HDAC9: variants seen among roughly 807,000 people sequenced by gnomAD.
HDAC9 encodes histone deacetylase 9.
In HDAC9, 41 loss-of-function variants were observed where a neutral mutation model predicts 139.4. The observed-to-expected ratio is 0.29, with a 90% CI of 0.23 to 0.38. The LOEUF (loss-of-function observed/expected upper bound fraction) is 0.38. HDAC9 is among the 10% of genes least tolerant of loss of function. The pLI is 1.00. For synonymous variants in HDAC9, 517 were observed against 476.2 expected (o/e 1.09, Z -1.12); for missense variants, 1,147 against 1,297.0 (o/e 0.88, Z 1.78).
chr7:18,866,278 C>A (rs574407816), intron 21 of HDAC9, among the ~76,000 whole-genome samples: 1 of 151,844 alleles, frequency 6.6e-6, no homozygotes, highest in African/African-American at 2.4e-5. Flanking sequence ...CAACGTGCAC[C>A]ACCCCCGTGA....
intron 2 of HDAC9, 34 bp from the exon 3 acceptor site, chr7:18,585,247 C>T: frequency 3.1e-6 from 5 of 1,605,926 alleles, no homozygotes; most frequent in African/African-American, 1.3e-5. Context: ...ATTACCCTCC[C>T]CCACCCCATT....
chr7:18,714,335 A>G (rs796643943), intron 12 of HDAC9, among the ~76,000 whole-genome samples: 3 of 152,340 alleles, frequency 2.0e-5, no homozygotes, highest in Admixed American at 6.5e-5. Flanking sequence ...ACCCTGTTAA[A>G]CTAATTCAAT....
intron 24 of HDAC9, among the ~76,000 whole-genome samples, chr7:18,954,597 G>A (rs964064529): frequency 6.6e-6 from 1 of 152,060 alleles, no homozygotes; most frequent in African/African-American, 2.4e-5. Context: ...ATCATTTACT[G>A]ATTCATATGT....
intron 17 of HDAC9, among the ~76,000 whole-genome samples, chr7:18,821,211 C>T (rs542485219): frequency 5.9e-5 from 9 of 152,344 alleles, no homozygotes; most frequent in South Asian, 2.1e-4. Context: ...ATGACCTCAT[C>T]GCTGCTTAAA....
At chr7:18,393,108 A>G (rs1302227450) in intron 1 of HDAC9, among the ~76,000 whole-genome samples, 1 of 140,140 alleles carries the variant, frequency 7.1e-6, no homozygotes, top group Non-Finnish European at 1.6e-5. Context: ...ATGATTTTAA[A>G]AATTTAGATA....
intron 2 of HDAC9, among the ~76,000 whole-genome samples, chr7:18,548,645 A>G (rs1405776896): frequency 6.6e-6 from 1 of 152,212 alleles, no homozygotes; most frequent in Non-Finnish European, 1.5e-5. Flanking sequence ...AAGGACTCAT[A>G]TCTAAAATGT....
At chr7:18,597,089 T>C (rs1485184131) in intron 6 of HDAC9, among the ~76,000 whole-genome samples, 1 of 152,118 alleles carries the variant, frequency 6.6e-6, no homozygotes, top group African/African-American at 2.4e-5. Context: ...AGTGGACCTT[T>C]ACTTCCTTCC....
At chr7:18,935,173 A>G (rs532519795) in intron 22 of HDAC9, among the ~76,000 whole-genome samples, 4 of 152,286 alleles carry the variant, frequency 2.6e-5, no homozygotes, top group South Asian at 2.1e-4. Flanking sequence ...TGGGGGTTGA[A>G]AAAGTGTTGC....
At chr7:18,419,289 T>G (rs931830691) in intron 1 of HDAC9, among the ~76,000 whole-genome samples, 6 of 152,224 alleles carry the variant, frequency 3.9e-5, no homozygotes, top group African/African-American at 1.4e-4. Context: ...TGTCAATTAT[T>G]GATGTATTAA....
chr7:18,846,304 A>G (rs1156257383), intron 21 of HDAC9, among the ~76,000 whole-genome samples: 3 of 152,174 alleles, frequency 2.0e-5, no homozygotes, highest in Non-Finnish European at 4.4e-5. Context: ...AGCAAGCAAG[A>G]GTTTGATTAG....
At chr7:18,512,945 A>G (rs1348080525) in intron 2 of HDAC9, among the ~76,000 whole-genome samples, 1 of 152,232 alleles carries the variant, frequency 6.6e-6, no homozygotes, top group Non-Finnish European at 1.5e-5. Context: ...ACATGCTCAC[A>G]TAGATGACAA....
At chr7:18,204,592 A>G (rs1037168007) in intron 2 of HDAC9, among the ~76,000 whole-genome samples, 1 of 152,144 alleles carries the variant, frequency 6.6e-6, no homozygotes, top group Non-Finnish European at 1.5e-5. Context: ...TATTTATTCA[A>G]TAAATATAAA....
chr7:18,646,892 A>C (rs1227636282), intron 9 of HDAC9, among the ~76,000 whole-genome samples: 1 of 152,162 alleles, frequency 6.6e-6, no homozygotes, highest in African/African-American at 2.4e-5. Flanking sequence ...TTATTATACA[A>C]AATATCTAGA....
intron 1 of HDAC9, among the ~76,000 whole-genome samples, chr7:18,407,813 A>G (rs75090694): frequency 0.029 from 4,430 of 152,260 alleles, 151 homozygotes; most frequent in East Asian, 0.18. Flanking sequence ...AAGGAAATCT[A>G]TTGTGTTTCC....
At chr7:18,427,714 A>T (rs570149184) in intron 1 of HDAC9, among the ~76,000 whole-genome samples, 194 of 146,842 alleles carry the variant, frequency 1.3e-3, no homozygotes, top group South Asian at 4.3e-3. Flanking sequence ...TTTTTTTTTT[A>T]AATATTTTCT....
intron 2 of HDAC9, among the ~76,000 whole-genome samples, chr7:18,183,251 C>T (rs188159998): frequency 1.0e-3 from 157 of 152,216 alleles, no homozygotes; most frequent in East Asian, 8.9e-3. Context: ...CCTCGTGATC[C>T]GCCCGCCTCG....
chr7:18,660,205 C>G (rs1457218135), intron 11 of HDAC9, among the ~76,000 whole-genome samples: 1 of 152,128 alleles, frequency 6.6e-6, no homozygotes, highest in African/African-American at 2.4e-5. Context: ...AATTTTTCCA[C>G]TGTGACAAAT....
intron 22 of HDAC9, among the ~76,000 whole-genome samples, chr7:18,903,830 C>A (rs1801954481): frequency 6.6e-6 from 1 of 152,150 alleles, no homozygotes; most frequent in Non-Finnish European, 1.5e-5. Context: ...GGCTTAGGAT[C>A]TTTGTAGTCA....
intron 1 of HDAC9, among the ~76,000 whole-genome samples, chr7:18,460,632 A>G (rs955008662): frequency 1.3e-5 from 2 of 151,980 alleles, no homozygotes; most frequent in African/African-American, 4.8e-5. Flanking sequence ...TAAAAATACA[A>G]AATTAGCGAG....
Sources: gnomAD v4.1 joint callset for allele counts (sites outside exome capture counted in the v4.1 genomes callset) on GRCh38, gnomAD v4.1.1 for gene constraint, MANE v1.5 for transcripts, NCBI Gene and HGNC (gene_info 2026-07-23, HGNC 2026-07-21) for gene names.